The following GADD45B variants were observed in gnomAD, a reference collection of about 807,000 sequenced individuals.
The protein encoded by GADD45B is growth arrest and DNA damage-inducible protein GADD45 beta.
GADD45B carries 8 observed loss-of-function variants against 15.2 expected under a neutral mutation model. The observed-to-expected ratio is 0.53, with a 90% CI of 0.31 to 0.95. The LOEUF (loss-of-function observed/expected upper bound fraction) is 0.95, where lower values mean the gene tolerates loss of function less well. Among genes scored for constraint, GADD45B ranks in the 40% least tolerant of loss-of-function variants. GADD45B has a pLI of 0.05. For missense variants in GADD45B, 162 were observed against 216.6 expected, an observed-to-expected ratio of 0.75 and a Z score of 1.58; for synonymous variants, 100 against 89.8, an observed-to-expected ratio of 1.11 and a Z score of -0.64.
chr19:2,477,439 G>A lies in GADD45B; in HGVS notation c.370-49G>A. 7.5e-7 allele frequency: 1 copy of A among 1,332,608 alleles called. No homozygotes were observed. The highest frequency in any genetic ancestry group is 1.1e-6 in the Non-Finnish European group (1 of 936,428). 82.5% of individuals were successfully genotyped at this position (1,332,608 alleles called of 1,614,324 possible). ...GCCTGACTGTTTTCCCCACACAGGG[G>A]CCCCGGGAGAGGGAGGCTCCACTAA... On this transcript the variant is annotated intron_variant, in intron 3 of 3. Coordinates refer to ENST00000215631, the MANE Select transcript of GADD45B (RefSeq NM_015675.4). This position sits in a 1 kb window ranked among gnomAD's most constrained non-coding sequence, Gnocchi z 4.2.
At position 2,476,330 on chromosome 19, in the gene GADD45B, C is replaced by A. The variant is rs1317833070; in HGVS notation, c.-29C>A. 6.2e-7 allele frequency: 1 copy of A among 1,612,010 alleles called. No individual in the cohort carries two copies. Among genetic ancestry groups the A allele is most frequent in the Non-Finnish European group, 8.5e-7 (1 of 1,178,368 alleles). ...TTTCTCCCTGGGGACTGCCGTGGAG[C>A]CGCATCCACTGTGGATTATAATTGC... On this transcript the variant is annotated 5_prime_UTR_variant, in exon 1 of 4. Coordinates refer to ENST00000215631, the MANE Select transcript of GADD45B (RefSeq NM_015675.4).
At position 2,477,704 on chromosome 19, in the gene GADD45B, C is replaced by T; in HGVS notation, c.*103C>T. ...CCAGCACAACCCCCCCAAAACAACC[C>T]AACCCACGAGGACCATCGGGGGCAG... On this transcript the variant is annotated 3_prime_UTR_variant, in exon 4 of 4. Transcript: ENST00000215631. The surrounding 1 kb of genome is among the most constrained non-coding windows in gnomAD (Gnocchi z 4.2). 4 of 610,798 alleles carry T rather than the reference C, an allele frequency of 6.5e-6. No individual in the cohort carries two copies. The highest frequency in any genetic ancestry group is 1.2e-5 in the Non-Finnish European group (4 of 340,104). 37.8% of individuals were successfully genotyped at this position (610,798 alleles called of 1,614,324 possible). A position where few individuals can be genotyped will look rare whatever the true frequency, so the allele number is the denominator to read the frequency against.
Position 2,477,591 on chromosome 19 carries a change from A to G in GADD45B, c.473A>G (p.Gln158Arg). 1.9e-6 allele frequency: 3 copies of G among 1,575,084 alleles called. No individual in the cohort carries two copies. The highest frequency in any genetic ancestry group is 2.6e-6 in the Non-Finnish European group (3 of 1,144,702). ...CAGTGGGTCCCCTACATCTCTCTTC[A>G]GGAACGCTGAGGCCCTTCCCAGCAG... ...NNQWVPYISLQER is the reference protein window; with the variant it reads ...NNQWVPYISLRER Residue 158 changes from glutamine (Q) to arginine (R), a missense_variant, in exon 4 of 4, where the codon CAG becomes CGG. By Grantham distance (43) the Gln-to-Arg change is conservative. Transcript: ENST00000215631. This position sits in a 1 kb window ranked among gnomAD's most constrained non-coding sequence, Gnocchi z 4.2.
chr19:2,476,958 G>T, intron 2 of GADD45B, 71 bp from the exon 3 acceptor site: 1 of 978,588 alleles, frequency 1.0e-6, no homozygotes, highest in South Asian at 1.4e-5. Context: ...CTCCTTTTTT[G>T]CAAACTCCCC....
In GADD45B at chr19:2,476,545, G is replaced by A. The variant is rs768079196; in HGVS notation, c.61G>A (p.Ala21Thr). 3.7e-6 allele frequency: 6 copies of A among 1,605,868 alleles called. No individual in the cohort carries two copies. Among genetic ancestry groups the A allele is most frequent in the Non-Finnish European group, 5.1e-6 (6 of 1,174,478 alleles). ...TGGTCTCAGGATGCAGACGGTGACC[G>A]CCGCGGTGGAGGAGCTTTTGGTGGC... Reference protein sequence around the residue: ...NAAQKMQTVTAAVEELLVAAQ... With the variant: ...NAAQKMQTVTTAVEELLVAAQ... Residue 21 changes from alanine (A) to threonine (T), a missense_variant, in exon 2 of 4, where the codon GCC becomes ACC. By Grantham distance (58) the Ala-to-Thr change is moderately conservative. Coordinates refer to ENST00000215631, the MANE Select transcript of GADD45B (RefSeq NM_015675.4).
In GADD45B at chr19:2,477,788, A is replaced by C. The variant is rs1972341318; in HGVS notation, c.*187A>C. 3 of 401,034 alleles carry C rather than the reference A, an allele frequency of 7.5e-6. No individual in the cohort carries two copies. The highest frequency in any genetic ancestry group is 3.2e-5 in the South Asian group (1 of 31,400). The allele number at this position is 401,034 out of a possible 1,614,324, so 24.8% of individuals were successfully genotyped here. ...AGAAGGGGAGTGAGCGGCCGCCCCC[A>C]GGGCGGAGATCCAGGAGCTGGCGGC... On this transcript the variant is annotated 3_prime_UTR_variant, in exon 4 of 4. Coordinates refer to ENST00000215631, the MANE Select transcript of GADD45B (RefSeq NM_015675.4). This position sits in a 1 kb window ranked among gnomAD's most constrained non-coding sequence, Gnocchi z 4.2.
rs1972337714 is a variant in GADD45B, at chr19:2,477,662, T to C, written c.*61T>C. The C allele has an allele frequency of 1.2e-5, 10 of 818,336 alleles. No homozygotes were observed. In the East Asian group the frequency reaches 2.8e-4, roughly 23 times the overall value. 50.7% of individuals were successfully genotyped at this position (818,336 alleles called of 1,614,324 possible). On this transcript the variant is annotated 3_prime_UTR_variant, in exon 4 of 4. Coordinates refer to ENST00000215631, the MANE Select transcript of GADD45B (RefSeq NM_015675.4). The surrounding 1 kb of genome is among the most constrained non-coding windows in gnomAD (Gnocchi z 4.2). The stretch of plus-strand genomic sequence containing the variant: ...CCACAAACAAAAAATACAATAAATA[T>C]TTGAACCCCCTCCCCCCCAGCACAA...
At position 2,477,122 on chromosome 19, in the gene GADD45B, C is replaced by T. The variant is rs868122420; in HGVS notation, c.240C>T (p.Ser80=). The change falls in exon 3 of 4, where the codon TCC becomes TCT. Residue 80 remains serine (S), a synonymous_variant. Coordinates refer to ENST00000215631, the MANE Select transcript of GADD45B (RefSeq NM_015675.4). This position sits in a 1 kb window ranked among gnomAD's most constrained non-coding sequence, Gnocchi z 4.2. Reference sequence around the variant, plus strand: ...AAATCCACTTCACGCTCATCCAGTCCTTCTGCTGTGACAACGACATCAACA... The same window carrying T: ...AAATCCACTTCACGCTCATCCAGTCTTTCTGCTGTGACAACGACATCAACA... ...ALQIHFTLIQ[S]FCCDNDINIV... 3.7e-6 allele frequency: 6 copies of T among 1,613,796 alleles called. No individual in the cohort carries two copies. Among genetic ancestry groups the T allele is most frequent in the African/African-American group, 1.3e-5 (1 of 74,926 alleles).
chr19:2,477,423 T>C lies in GADD45B; in HGVS notation c.370-65T>C. Reference sequence around the variant, plus strand: ...CAGGAAGCTATTTTGAGCCTGACTGTTTTCCCCACACAGGGGCCCCGGGAG... The same window carrying C: ...CAGGAAGCTATTTTGAGCCTGACTGCTTTCCCCACACAGGGGCCCCGGGAG... On this transcript the variant is annotated intron_variant, in intron 3 of 3. Transcript: ENST00000215631. The surrounding 1 kb of genome is among the most constrained non-coding windows in gnomAD (Gnocchi z 4.2). The C allele has an allele frequency of 8.3e-7, 1 of 1,208,968 alleles. No individual in the cohort carries two copies. Among genetic ancestry groups the C allele is most frequent in the Non-Finnish European group, 1.2e-6 (1 of 835,648 alleles). The allele number at this position is 1,208,968 out of a possible 1,614,324, so 74.9% of individuals were successfully genotyped here. A position where few individuals can be genotyped will look rare whatever the true frequency, so the allele number is the denominator to read the frequency against.
Position 2,477,008 on chromosome 19 carries a change from C to T in GADD45B, c.147-21C>T, listed in dbSNP as rs200388410. 1.0e-5 allele frequency: 16 copies of T among 1,557,778 alleles called. No homozygotes were observed. The East Asian group carries it at 3.1e-4, about 31-fold the overall frequency. ...CTCCCCTGTCCCCGGCTGACCCATC[C>T]CTACCCTTTGGCCCCCTCAGGGACC... On this transcript the variant is annotated intron_variant, in intron 2 of 3. Transcript: ENST00000215631. The surrounding 1 kb of genome is among the most constrained non-coding windows in gnomAD (Gnocchi z 4.2).
At position 2,477,517 on chromosome 19, in the gene GADD45B, C is replaced by G; in HGVS notation, c.399C>G (p.His133Gln). The G allele has an allele frequency of 6.2e-7, 1 of 1,613,628 alleles. No individual in the cohort carries two copies. Among genetic ancestry groups the G allele is most frequent in the South Asian group, 1.1e-5 (1 of 91,052 alleles). ...TNPHTDAWKS[H>Q]GLVEVASYCE... ...CTCACACGGACGCCTGGAAGAGCCA[C>G]GGCTTGGTGGAGGTGGCCAGCTACT... Residue 133 changes from histidine to glutamine, a missense_variant, in exon 4 of 4, where the codon CAC (histidine) becomes CAG (glutamine). His to Gln is a conservative substitution (Grantham distance 24). Transcript: ENST00000215631. The surrounding 1 kb of genome is among the most constrained non-coding windows in gnomAD (Gnocchi z 4.2).
Position 2,477,601 on chromosome 19 carries a change from A to C in GADD45B, c.483A>C (p.Ter161CysextTer19), listed in dbSNP as rs769612840. 6.5e-7 allele frequency: 1 copy of C among 1,549,348 alleles called. No homozygotes were observed. The highest frequency in any genetic ancestry group is 8.9e-7 in the Non-Finnish European group (1 of 1,121,396). The change falls in exon 4 of 4, where the codon TGA becomes TGC. Residue 161 changes from the stop codon to cysteine (C), a stop_lost. Transcript: ENST00000215631. This position sits in a 1 kb window ranked among gnomAD's most constrained non-coding sequence, Gnocchi z 4.2. ...CCTACATCTCTCTTCAGGAACGCTG[A>C]GGCCCTTCCCAGCAGCAGAATCTGT... Reference protein sequence around the residue: ...WVPYISLQER* With the variant: ...WVPYISLQERC
chr19:2,476,580 C>T lies in GADD45B; in HGVS notation c.96C>T (p.Arg32=). 1 of 1,602,798 alleles carries T rather than the reference C, an allele frequency of 6.2e-7. No individual in the cohort carries two copies. The highest frequency in any genetic ancestry group is 8.5e-7 in the Non-Finnish European group (1 of 1,172,692). The part of the protein sequence containing the change: ...AVEELLVAAQ[R]QDRLTVGVYE... ...AGGAGCTTTTGGTGGCCGCTCAGCG[C>T]CAGGATCGCCTCACAGTGGGGGTGT... The change falls in exon 2 of 4, where the codon CGC becomes CGT. Residue 32 remains arginine, a synonymous_variant. Transcript: ENST00000215631.
chr19:2,477,787 C>T lies in GADD45B; in HGVS notation c.*186C>T, dbSNP rs1054121165. On this transcript the variant is annotated 3_prime_UTR_variant, in exon 4 of 4. Coordinates refer to ENST00000215631, the MANE Select transcript of GADD45B (RefSeq NM_015675.4). The surrounding 1 kb of genome is among the most constrained non-coding windows in gnomAD (Gnocchi z 4.2). Reference sequence around the variant, plus strand: ...GAGAAGGGGAGTGAGCGGCCGCCCCCAGGGCGGAGATCCAGGAGCTGGCGG... The same window carrying T: ...GAGAAGGGGAGTGAGCGGCCGCCCCTAGGGCGGAGATCCAGGAGCTGGCGG... The T allele has an allele frequency of 2.3e-6, 1 of 438,572 alleles. No homozygotes were observed. The allele number at this position is 438,572 out of a possible 1,614,324, so 27.2% of individuals were successfully genotyped here.
In GADD45B at chr19:2,477,269, C is replaced by T. The variant is rs763255149; in HGVS notation, c.369+18C>T. 1 of 1,477,788 alleles carries T rather than the reference C, an allele frequency of 6.8e-7. No homozygotes were observed. Among genetic ancestry groups the T allele is most frequent in the South Asian group, 1.3e-5 (1 of 79,322 alleles). The allele number at this position is 1,477,788 out of a possible 1,614,324, so 91.5% of individuals were successfully genotyped here. A position where few individuals can be genotyped will look rare whatever the true frequency, so the allele number is the denominator to read the frequency against. On this transcript the variant is annotated intron_variant, in intron 3 of 3. Coordinates refer to ENST00000215631, the MANE Select transcript of GADD45B (RefSeq NM_015675.4). The surrounding 1 kb of genome is among the most constrained non-coding windows in gnomAD (Gnocchi z 4.2). ...TGGTCACGGTGAGTCGGGCCTCTGC[C>T]CTGCCCCGCCACGCCCGGGCACCTG...
chr19:2,476,485 A>T, intron 1 of GADD45B, 44 bp from the exon 2 acceptor site: 1 of 1,596,528 alleles, frequency 6.3e-7, no homozygotes, highest in Non-Finnish European at 8.6e-7. Context: ...GGAACGTAGC[A>T]CCCGGTGGTC....
Position 2,476,570 on chromosome 19 carries a change from C to A in GADD45B, c.86C>A (p.Ala29Asp), listed in dbSNP as rs765015136. 1.6e-5 allele frequency: 25 copies of A among 1,603,684 alleles called. No individual in the cohort carries two copies. The highest frequency in any genetic ancestry group is 3.3e-5 in the South Asian group (3 of 90,080). The part of the protein sequence containing the change: ...VTAAVEELLV[A>D]AQRQDRLTVG... ...GCCGCGGTGGAGGAGCTTTTGGTGG[C>A]CGCTCAGCGCCAGGATCGCCTCACA... Residue 29 changes from alanine to aspartate, a missense_variant, in exon 2 of 4, where the codon GCC becomes GAC. Ala to Asp is a moderately radical substitution (Grantham distance 126, BLOSUM62 -2). Transcript: ENST00000215631.
In GADD45B at chr19:2,477,196, C is replaced by T. The variant is rs777154443; in HGVS notation, c.314C>T (p.Pro105Leu). The change falls in exon 3 of 4, where the codon CCG becomes CTG. Residue 105 changes from proline (P) to leucine (L), a missense_variant. Pro to Leu is a moderately conservative substitution (Grantham distance 98). Transcript: ENST00000215631. The surrounding 1 kb of genome is among the most constrained non-coding windows in gnomAD (Gnocchi z 4.2). The stretch of plus-strand genomic sequence containing the variant: ...CGCCTGGCGCAGCTCCTGGGAGAGC[C>T]GGCCGAGACCCAGGGCACCACCGAG... The part of the protein sequence containing the change: ...MQRLAQLLGE[P>L]AETQGTTEAR... The T allele has an allele frequency of 1.9e-6, 3 of 1,609,108 alleles. No homozygotes were observed. The highest frequency in any genetic ancestry group is 1.3e-5 in the African/African-American group (1 of 74,850).
At position 2,477,449 on chromosome 19, in the gene GADD45B, A is replaced by AG. The variant is rs780722448; in HGVS notation, c.370-36dup. On this transcript the variant is annotated intron_variant, in intron 3 of 3. Coordinates refer to ENST00000215631, the MANE Select transcript of GADD45B (RefSeq NM_015675.4). This position sits in a 1 kb window ranked among gnomAD's most constrained non-coding sequence, Gnocchi z 4.2. ...TTTCCCCACACAGGGGCCCCGGGAG[A>AG]GGGAGGCTCCACTAAACCCCTTCTT... 1 of 1,393,850 alleles carries AG rather than the reference A, an allele frequency of 7.2e-7. No homozygotes were observed. The highest frequency in any genetic ancestry group is 1.8e-5 in the Admixed American group (1 of 56,080). 86.3% of individuals were successfully genotyped at this position (1,393,850 alleles called of 1,614,324 possible). A position where few individuals can be genotyped will look rare whatever the true frequency, so the allele number is the denominator to read the frequency against.
Sources: gnomAD v4.1 joint callset for allele counts on GRCh38, gnomAD v4.1.1 for gene constraint, Gnocchi (gnomAD v3.1) non-coding constraint, MANE v1.5 for transcripts, NCBI Gene and HGNC (gene_info 2026-07-23, HGNC 2026-07-21) for gene names.